The following ANKRD31 variants were observed in gnomAD, a reference collection of about 807,000 sequenced individuals.
The protein encoded by ANKRD31 is ankyrin repeat domain-containing protein 31.
A neutral mutation model predicts 186.0 loss-of-function variants in ANKRD31; 147 were observed. The observed-to-expected ratio is 0.79, with a 90% CI of 0.69 to 0.91. The LOEUF (loss-of-function observed/expected upper bound fraction) is 0.91, where lower values mean the gene tolerates loss of function less well. ANKRD31 is among the 40% of genes least tolerant of loss of function. ANKRD31 has a pLI of 0.00. For missense variants in ANKRD31, 1,986 were observed against 2,148.8 expected (o/e 0.92, Z 1.50); for synonymous variants, 673 against 736.4 (o/e 0.91, Z 1.39).
chr5:75,105,269 T>C (rs1489870693), intron 21 of ANKRD31, 51 bp from the exon 22 acceptor site: 1 of 1,425,182 alleles, frequency 7.0e-7, no homozygotes, highest in Non-Finnish European at 9.1e-7. Context: ...AGAAAACTTT[T>C]CAAAGCGGTC....
chr5:75,197,558 CAT>C (rs1352912213), intron 6 of ANKRD31, among the ~76,000 whole-genome samples: 3 of 152,080 alleles, frequency 2.0e-5, no homozygotes, highest in African/African-American at 7.2e-5. Flanking sequence ...CTTAAGAAAA[CAT>C]ATTTATTTGT....
intron 15 of ANKRD31, 46 bp from the exon 16 acceptor site, chr5:75,139,029 T>C: frequency 6.5e-7 from 1 of 1,531,022 alleles, no homozygotes; most frequent in Non-Finnish European, 8.7e-7. Context: ...CAAATGCTGA[T>C]TGTTATAAAG....
At chr5:75,193,187 T>A in intron 8 of ANKRD31, 124 bp downstream of exon 8, 1 of 1,165,352 alleles carries the variant, frequency 8.6e-7, no homozygotes, top group Non-Finnish European at 1.2e-6. Flanking sequence ...AAAAAAGCAA[T>A]AATATAAAAA....
At chr5:75,190,775 CAATAT>C (rs1755059763) in intron 9 of ANKRD31, among the ~76,000 whole-genome samples, 1 of 151,890 alleles carries the variant, frequency 6.6e-6, no homozygotes, top group Non-Finnish European at 1.5e-5. Context: ...GTATACAATT[CAATAT>C]ACTTGGGGAC....
At position 75,080,610 on chromosome 5, in the gene ANKRD31, C is replaced by A; in HGVS notation, c.5605G>T (p.Glu1869Ter). Reference sequence around the variant, plus strand: ...TTCTCAAACATTGATTTGTTTGGTTCCTGTACTGGGTCATCTAAACAAGCA... The same window carrying A: ...TTCTCAAACATTGATTTGTTTGGTTACTGTACTGGGTCATCTAAACAAGCA... Reference protein sequence around the residue: ...EVACLDDPVQEPNKSMFEKTK... With the variant: ...EVACLDDPVQ The change falls in exon 25 of 26, where the codon GAA becomes TAA. Residue 1869 changes from glutamate to a stop codon, truncating the protein, a stop_gained. Transcript: ENST00000506364. LOFTEE classifies it high-confidence loss of function. The A allele has an allele frequency of 6.6e-7, 1 of 1,526,486 alleles. No individual in the cohort carries two copies. Among genetic ancestry groups the A allele is most frequent in the East Asian group, 2.5e-5 (1 of 40,558 alleles). The allele number at this position is 1,526,486 out of a possible 1,614,324, so 94.6% of individuals were successfully genotyped here.
rs1401954406 is a variant in ANKRD31 at position 75,154,344 on chromosome 5, A to G, written c.1709T>C (p.Val570Ala). 1 of 1,527,206 alleles carries G rather than the reference A, an allele frequency of 6.5e-7. No individual in the cohort carries two copies. The highest frequency in any genetic ancestry group is 2.5e-5 in the East Asian group (1 of 40,670). 94.6% of individuals were successfully genotyped at this position (1,527,206 alleles called of 1,614,324 possible). Residue 570 changes from valine (V) to alanine (A), a missense_variant and splice_region_variant, in exon 12 of 26, where the codon GTG (valine) becomes GCG (alanine). Transcript: ENST00000506364. ...HDAVMNGHYKVAELLLLNGAD... is the reference protein window; with the variant it reads ...HDAVMNGHYKAAELLLLNGAD... ...TCCATTCAGAAGAAGTAACTCTGCC[A>G]CCTAGAAAAAGGTTATTTATGTAAG...
In ANKRD31 at chr5:75,193,530, CAAGAAGTGAT is replaced by C; in HGVS notation, c.1069_1078del (p.Ile357ValfsTer4). 1 of 1,536,892 alleles carries C rather than the reference CAAGAAGTGAT, an allele frequency of 6.5e-7. No individual in the cohort carries two copies. The highest frequency in any genetic ancestry group is 8.7e-7 in the Non-Finnish European group (1 of 1,146,696). On this transcript the variant is annotated frameshift_variant, in exon 8 of 26. Transcript: ENST00000506364. LOFTEE classifies it high-confidence loss of function. ...ATTTCTCTTATTACTTAGTGGCTCA[CAAGAAGTGAT>C]ATTTTGATGAGCCAAAGTTTGCAAT... is the stretch of plus-strand genomic sequence containing the variant.
At chr5:75,171,121 A>C (rs768498738) in intron 10 of ANKRD31, among the ~76,000 whole-genome samples, 11 of 152,078 alleles carry the variant, frequency 7.2e-5, no homozygotes, top group Non-Finnish European at 1.5e-4. Flanking sequence ...CATTATCAAC[A>C]CCTTTACCTA....
intron 17 of ANKRD31, among the ~76,000 whole-genome samples, chr5:75,133,968 G>A (rs893342525): frequency 6.6e-5 from 10 of 152,088 alleles, no homozygotes; most frequent in Admixed American, 2.0e-4. Context: ...GGAAACCAAC[G>A]AGAACAGACA....
chr5:75,127,125 C>A (rs1375238117), intron 17 of ANKRD31, among the ~76,000 whole-genome samples: 1 of 147,400 alleles, frequency 6.8e-6, no homozygotes, highest in African/African-American at 2.5e-5. Flanking sequence ...GTAGAGGTTG[C>A]AGGAAGCAGA....
chr5:75,085,650 C>T (rs1230212797), intron 23 of ANKRD31, among the ~76,000 whole-genome samples: 1 of 152,018 alleles, frequency 6.6e-6, no homozygotes, highest in Non-Finnish European at 1.5e-5. Context: ...GATCCACCTG[C>T]CTTGGCCTCC....
chr5:75,197,254 C>T (rs1359336578), intron 6 of ANKRD31, among the ~76,000 whole-genome samples: 1 of 152,156 alleles, frequency 6.6e-6, no homozygotes, highest in Admixed American at 6.6e-5. Flanking sequence ...TTTGAAATTG[C>T]TTTCAGAATG....
intron 2 of ANKRD31, chr5:75,225,750 G>A (rs572015548): frequency 2.5e-5 from 4 of 157,732 alleles, no homozygotes; most frequent in East Asian, 3.8e-4. Context: ...TGGTGAGAAA[G>A]GTGCAGAAGG....
intron 17 of ANKRD31, among the ~76,000 whole-genome samples, chr5:75,135,987 C>T (rs1017137967): frequency 2.0e-5 from 3 of 152,178 alleles, no homozygotes; most frequent in South Asian, 2.1e-4. Flanking sequence ...AAACTGGATC[C>T]CTTCCTTACA....
chr5:75,200,296 T>TC (rs1580542667), intron 5 of ANKRD31, among the ~76,000 whole-genome samples: 2 of 106,962 alleles, frequency 1.9e-5, no homozygotes, highest in East Asian at 5.0e-4. Context: ...ATTCTTTCTT[T>TC]CTTTTTTTTT....
rs770007168 is a variant in ANKRD31, at chr5:75,196,001, G to C, written c.647C>G (p.Ser216Cys). The change falls in exon 7 of 26, where the codon TCT becomes TGT. Residue 216 changes from serine (S) to cysteine (C), a missense_variant. Physicochemically the swap from Ser to Cys is moderately radical, Grantham distance 112 (BLOSUM62 -1). Coordinates refer to ENST00000506364, the MANE Select transcript of ANKRD31 (RefSeq NM_001372053.1). Reference protein sequence around the residue: ...TSEETKDEESSLETFVSALES... With the variant: ...TSEETKDEESCLETFVSALES... ...TAAGGCAGACACAAAGGTTTCAAGA[G>C]AGCTTTCTTCATCCTTAGTTTCTTC... 111 of 1,532,248 alleles carry C rather than the reference G, an allele frequency of 7.2e-5. 1 individual carries two copies. Among genetic ancestry groups the C allele is most frequent in the Admixed American group, 2.8e-4 (14 of 50,206 alleles). 94.9% of individuals were successfully genotyped at this position (1,532,248 alleles called of 1,614,324 possible).
chr5:75,176,567 T>C (rs1753819169), intron 10 of ANKRD31, among the ~76,000 whole-genome samples: 1 of 152,270 alleles, frequency 6.6e-6, no homozygotes, highest in Admixed American at 6.5e-5. Context: ...GCAGCATTTG[T>C]GGTTCACCAA....
At chr5:75,082,271 T>C (rs987401792) in intron 24 of ANKRD31, among the ~76,000 whole-genome samples, 35 of 152,196 alleles carry the variant, frequency 2.3e-4, no homozygotes, top group African/African-American at 8.4e-4. Context: ...GTTTGAATTA[T>C]TGGGGCTTGT....
chr5:75,221,296 T>C (rs1757284698), intron 3 of ANKRD31, among the ~76,000 whole-genome samples: 1 of 152,216 alleles, frequency 6.6e-6, no homozygotes, highest in East Asian at 1.9e-4. Context: ...TACATGCAGT[T>C]TGAAATGACA....
Sources: allele counts gnomAD v4.1 joint callset (sites outside exome capture counted in the v4.1 genomes callset), GRCh38; gene constraint gnomAD v4.1.1; transcripts MANE v1.5; gene names NCBI Gene and HGNC (gene_info 2026-07-23, HGNC 2026-07-21).